CLASP2: variants seen among roughly 807,000 people sequenced by gnomAD.
The protein encoded by CLASP2 is CLIP-associating protein 2.
CLASP2 carries 47 observed loss-of-function variants against 194.4 expected under a neutral mutation model. The observed-to-expected ratio is 0.24, with a 90% CI of 0.19 to 0.31. CLASP2 has a LOEUF of 0.31. Ranked by LOEUF, CLASP2 falls within the 10% of genes least tolerant of loss-of-function variation. The pLI, the probability that CLASP2 is intolerant of heterozygous loss-of-function variation, is 1.00. For missense variants in CLASP2, 1,445 were observed against 1,823.6 expected (o/e 0.79, Z 3.78); for synonymous variants, 619 against 633.5 (o/e 0.98, Z 0.34).
intron 6 of CLASP2, among the ~76,000 whole-genome samples, chr3:33,669,952 A>G (rs1321746930): frequency 6.6e-6 from 1 of 152,192 alleles, no homozygotes; most frequent in Non-Finnish European, 1.5e-5. Context: ...AAAACCGTAA[A>G]CCAAAAACAA....
At chr3:33,679,279 A>ACC (rs1185982815) in intron 6 of CLASP2, among the ~76,000 whole-genome samples, 1 of 152,228 alleles carries the variant, frequency 6.6e-6, no homozygotes, top group Non-Finnish European at 1.5e-5. Context: ...AAACTATGAA[A>ACC]CTATTAGAAG....
intron 2 of CLASP2, among the ~76,000 whole-genome samples, chr3:33,692,815 G>A (rs527606504): frequency 1.2e-4 from 19 of 152,228 alleles, no homozygotes; most frequent in African/African-American, 4.3e-4. Flanking sequence ...TTAAACAAAT[G>A]AATCAATCTA....
In CLASP2 at chr3:33,608,723, A is replaced by G. The variant is rs2074432477; in HGVS notation, c.1389-97T>C. 5.9e-5 allele frequency: 35 copies of G among 593,314 alleles called. No individual in the cohort carries two copies. The South Asian group carries it at 8.6e-4, about 15-fold the overall frequency. The allele number at this position is 593,314 out of a possible 1,614,324, so 36.8% of individuals were successfully genotyped here. A position where few individuals can be genotyped will look rare whatever the true frequency, so the allele number is the denominator to read the frequency against. On this transcript the variant is annotated intron_variant, in intron 13 of 38. Coordinates refer to ENST00000682230, the MANE Select transcript of CLASP2 (RefSeq NM_001365631.1). ...TACACTTTGCCCCCTAAATTAAAGCATAAGACATGTTTTTAGATATCTTTT... is the reference window on the plus strand; with the variant it reads ...TACACTTTGCCCCCTAAATTAAAGCGTAAGACATGTTTTTAGATATCTTTT...
chr3:33,572,218 A>G (rs758567673), intron 25 of CLASP2, among the ~76,000 whole-genome samples: 3 of 152,018 alleles, frequency 2.0e-5, no homozygotes, highest in Non-Finnish European at 4.4e-5. Context: ...AACTATGCCT[A>G]CTCCCTTGCC....
At position 33,547,513 on chromosome 3, in the gene CLASP2, T is replaced by C. The variant is rs1312160625; in HGVS notation, c.3154-2672A>G. On this transcript the variant is annotated intron_variant, in intron 30 of 38. Coordinates refer to ENST00000682230, the MANE Select transcript of CLASP2 (RefSeq NM_001365631.1). ...TCATGGTATATACTTCTTTTACATA[T>C]GTTGCTAAATTTGGCTTGCCAGCAT... Among the ~76,000 whole-genome samples the C allele has an allele frequency of 7.2e-5, 11 of 152,358 alleles. No homozygotes were observed. The South Asian group carries it at 2.3e-3, about 32-fold the overall frequency.
chr3:33,685,068 C>T (rs1031699086), intron 5 of CLASP2, among the ~76,000 whole-genome samples: 35 of 150,924 alleles, frequency 2.3e-4, no homozygotes, highest in African/African-American at 7.3e-4. Context: ...AGGCCCGGCA[C>T]GGTGGCTCAT....
intron 38 of CLASP2, among the ~76,000 whole-genome samples, chr3:33,500,052 A>G (rs918506558): frequency 6.6e-6 from 1 of 150,376 alleles, no homozygotes; most frequent in Non-Finnish European, 1.5e-5. Context: ...TTTTTTTTTG[A>G]TACAGGGTCT....
intron 30 of CLASP2, among the ~76,000 whole-genome samples, chr3:33,550,580 C>A (rs572588938): frequency 2.6e-5 from 4 of 151,256 alleles, no homozygotes; most frequent in Non-Finnish European, 5.9e-5. Flanking sequence ...ATAATCTATG[C>A]TTTTGAGCAT....
intron 6 of CLASP2, among the ~76,000 whole-genome samples, chr3:33,672,962 C>T (rs1395643564): frequency 6.6e-6 from 1 of 152,206 alleles, no homozygotes; most frequent in Non-Finnish European, 1.5e-5. Context: ...AAATCTACGT[C>T]TGACTGGTGT....
intron 18 of CLASP2, among the ~76,000 whole-genome samples, chr3:33,601,763 A>C (rs1287735855): frequency 6.6e-6 from 1 of 152,176 alleles, no homozygotes; most frequent in Non-Finnish European, 1.5e-5. Context: ...CCAGATTGTA[A>C]ACCATGTGTC....
At chr3:33,515,270 C>A (rs1287671933) in intron 36 of CLASP2, among the ~76,000 whole-genome samples, 3 of 152,074 alleles carry the variant, frequency 2.0e-5, no homozygotes, top group Non-Finnish European at 2.9e-5. Context: ...TTCTTTCAAT[C>A]CTCATAGTTA....
chr3:33,615,922 G>T (rs867727686), intron 12 of CLASP2, among the ~76,000 whole-genome samples: 1 of 151,834 alleles, frequency 6.6e-6, no homozygotes, highest in Non-Finnish European at 1.5e-5. Flanking sequence ...TCACTGAGAT[G>T]CTGCCAAAGC....
intron 1 of CLASP2, among the ~76,000 whole-genome samples, chr3:33,708,131 A>G (rs748580348): frequency 6.6e-5 from 10 of 152,144 alleles, no homozygotes; most frequent in East Asian, 1.9e-4. Context: ...TACATTAACT[A>G]TAGTCACCAT....
At chr3:33,517,943 C>T (rs907078849) in intron 34 of CLASP2, among the ~76,000 whole-genome samples, 3 of 152,188 alleles carry the variant, frequency 2.0e-5, no homozygotes, top group Admixed American at 6.5e-5. Flanking sequence ...CCACCATGCC[C>T]AGACTATCAA....
At chr3:33,526,884 G>A (rs1364649621) in intron 34 of CLASP2, among the ~76,000 whole-genome samples, 1 of 151,084 alleles carries the variant, frequency 6.6e-6, no homozygotes, top group Non-Finnish European at 1.5e-5. Context: ...TTACTTTTGG[G>A]TAAATAATGA....
At chr3:33,665,286 A>T (rs2154334851) in intron 6 of CLASP2, among the ~76,000 whole-genome samples, 1 of 152,194 alleles carries the variant, frequency 6.6e-6, no homozygotes, top group East Asian at 1.9e-4. Flanking sequence ...CAGATAATAC[A>T]TGGAGACAGG....
At chr3:33,678,203 C>T (rs1384751697) in intron 6 of CLASP2, among the ~76,000 whole-genome samples, 1 of 152,032 alleles carries the variant, frequency 6.6e-6, no homozygotes, top group Non-Finnish European at 1.5e-5. Flanking sequence ...AAAAAAGTAT[C>T]TGAAACAATA....
At chr3:33,676,023 G>T (rs2088547201) in intron 6 of CLASP2, among the ~76,000 whole-genome samples, 1 of 151,748 alleles carries the variant, frequency 6.6e-6, no homozygotes, top group Non-Finnish European at 1.5e-5. Flanking sequence ...GTAATTTATA[G>T]ATTCAATGCC....
intron 8 of CLASP2, among the ~76,000 whole-genome samples, chr3:33,638,794 GGATCAACTATAAT>G (rs2080722413): frequency 6.6e-6 from 1 of 152,088 alleles, no homozygotes; most frequent in African/African-American, 2.4e-5. Flanking sequence ...TACTTCATAT[GGATCAACTATAAT>G]GATTCTAACT....
Sources: allele counts gnomAD v4.1 joint callset (sites outside exome capture counted in the v4.1 genomes callset), GRCh38; gene constraint gnomAD v4.1.1; transcripts MANE v1.5; gene names NCBI Gene and HGNC (gene_info 2026-07-23, HGNC 2026-07-21).